SLC24A2: variants seen among roughly 807,000 people sequenced by gnomAD.
SLC24A2 encodes the protein sodium/potassium/calcium exchanger 2.
A neutral mutation model predicts 62.0 loss-of-function variants in SLC24A2; 36 were observed. The observed-to-expected ratio is 0.58, with a 90% CI of 0.44 to 0.77. The LOEUF (loss-of-function observed/expected upper bound fraction) is 0.77. Among genes scored for constraint, SLC24A2 ranks in the 30% least tolerant of loss-of-function variants. SLC24A2 has a pLI of 0.00. For synonymous variants in SLC24A2, 358 were observed against 294.0 expected, an observed-to-expected ratio of 1.22 and a Z score of -2.23; for missense variants, 846 against 817.9, an observed-to-expected ratio of 1.03 and a Z score of -0.42.
chr9:20,226,680 C>A, the SLC24A2 span, among the ~76,000 whole-genome samples: 1 of 152,106 alleles, frequency 6.6e-6, no homozygotes, highest in East Asian at 1.9e-4. Context: ...AGACCTGAAA[C>A]AATACACATT....
chr9:19,968,960 C>T, the SLC24A2 span, among the ~76,000 whole-genome samples: 34 of 152,122 alleles, frequency 2.2e-4, no homozygotes, highest in South Asian at 6.7e-3. Flanking sequence ...TAAAGTCATA[C>T]CCCAGAAGCC....
the SLC24A2 span, among the ~76,000 whole-genome samples, chr9:19,888,789 A>G: frequency 9.3e-4 from 141 of 152,308 alleles, no homozygotes; most frequent in African/African-American, 3.2e-3. Context: ...CTGAGAAGGC[A>G]GTTGGGAAGA....
chr9:20,269,622 C>T, the SLC24A2 span, among the ~76,000 whole-genome samples: 6 of 152,130 alleles, frequency 3.9e-5, no homozygotes, highest in Non-Finnish European at 8.8e-5. Flanking sequence ...TAAGAGCAAA[C>T]CAAACCCCTA....
the SLC24A2 span, among the ~76,000 whole-genome samples, chr9:20,275,379 C>A: frequency 6.6e-6 from 1 of 152,164 alleles, no homozygotes; most frequent in Non-Finnish European, 1.5e-5. Context: ...TGCCCTGAGG[C>A]CTGGTGGTTC....
At chr9:19,699,972 T>A (rs1050376601) in intron 2 of SLC24A2, among the ~76,000 whole-genome samples, 1 of 152,180 alleles carries the variant, frequency 6.6e-6, no homozygotes, top group African/African-American at 2.4e-5. Flanking sequence ...TTTGTTTTGC[T>A]GCTTACTGGC....
the SLC24A2 span, among the ~76,000 whole-genome samples, chr9:20,148,268 A>G: frequency 6.6e-6 from 1 of 152,150 alleles, no homozygotes. Flanking sequence ...TCACCTCCCT[A>G]TGAATGACAT....
At chr9:19,595,345 T>G (rs905599963) in intron 5 of SLC24A2, among the ~76,000 whole-genome samples, 3 of 152,242 alleles carry the variant, frequency 2.0e-5, no homozygotes, top group Non-Finnish European at 4.4e-5. Context: ...ATTTCACTTT[T>G]AAAATGCTGC....
intron 8 of SLC24A2, among the ~76,000 whole-genome samples, chr9:19,536,305 C>A (rs927918475): frequency 6.7e-6 from 1 of 149,664 alleles, no homozygotes; most frequent in Non-Finnish European, 1.5e-5. Context: ...CACCCACTAA[C>A]GTGTCATCTG....
At chr9:19,730,057 G>T (rs1821290379) in intron 2 of SLC24A2, among the ~76,000 whole-genome samples, 1 of 152,032 alleles carries the variant, frequency 6.6e-6, no homozygotes, top group South Asian at 2.1e-4. Context: ...CCATTTAAAT[G>T]AATGAATGCC....
At chr9:20,020,104 C>T in the SLC24A2 span, among the ~76,000 whole-genome samples, 15 of 152,284 alleles carry the variant, frequency 9.9e-5, no homozygotes, top group East Asian at 5.8e-4. Flanking sequence ...CAAATAGGAA[C>T]GCTCTTACAC....
chr9:19,520,781 T>C (rs1833159034), intron 10 of SLC24A2, 113 bp downstream of exon 10: 1 of 910,280 alleles, frequency 1.1e-6, no homozygotes, highest in African/African-American at 1.6e-5. Flanking sequence ...TTACTCTGTA[T>C]TGGTATTGGT....
chr9:19,984,133 A>G, the SLC24A2 span, among the ~76,000 whole-genome samples: 1 of 152,216 alleles, frequency 6.6e-6, no homozygotes, highest in Non-Finnish European at 1.5e-5. Flanking sequence ...TGTAAGTTGC[A>G]GAGCATCTGT....
intron 2 of SLC24A2, among the ~76,000 whole-genome samples, chr9:19,746,478 T>A (rs935322335): frequency 6.6e-6 from 1 of 152,156 alleles, no homozygotes; most frequent in Non-Finnish European, 1.5e-5. Flanking sequence ...GGTGACTAAC[T>A]GTAATTGAAT....
At chr9:19,840,853 AT>A in the SLC24A2 span, among the ~76,000 whole-genome samples, 5 of 152,162 alleles carry the variant, frequency 3.3e-5, no homozygotes, top group Non-Finnish European at 7.4e-5. Flanking sequence ...GTCATACAGC[AT>A]TTACCTTTAA....
At chr9:20,206,305 T>C in the SLC24A2 span, among the ~76,000 whole-genome samples, 1 of 152,142 alleles carries the variant, frequency 6.6e-6, no homozygotes, top group Non-Finnish European at 1.5e-5. Context: ...AAAGAGCATA[T>C]TACAGGAGAG....
the SLC24A2 span, among the ~76,000 whole-genome samples, chr9:20,191,316 ATC>A: frequency 1.3e-5 from 2 of 152,156 alleles, no homozygotes; most frequent in Non-Finnish European, 2.9e-5. Flanking sequence ...ACATAAAAAT[ATC>A]TCAAAGGGTT....
the SLC24A2 span, among the ~76,000 whole-genome samples, chr9:20,141,379 C>G: frequency 4.5e-3 from 680 of 152,150 alleles, 4 homozygotes; most frequent in African/African-American, 0.015. Context: ...TTGTGGTCGT[C>G]TCATTGTTGT....
intron 2 of SLC24A2, among the ~76,000 whole-genome samples, chr9:19,681,615 T>C (rs1487697376): frequency 1.3e-5 from 2 of 152,112 alleles, no homozygotes; most frequent in Non-Finnish European, 2.9e-5. Context: ...CTCCCTGGGA[T>C]TTCCATGTCT....
chr9:19,586,399 A>G (rs1836372484), intron 5 of SLC24A2, among the ~76,000 whole-genome samples: 1 of 152,184 alleles, frequency 6.6e-6, no homozygotes, highest in Non-Finnish European at 1.5e-5. Context: ...GGTGTGAGAA[A>G]GTGCTCAGAT....
Sources: gnomAD v4.1 joint callset for allele counts (sites outside exome capture counted in the v4.1 genomes callset) on GRCh38, gnomAD v4.1.1 for gene constraint, MANE v1.5 for transcripts, NCBI Gene and HGNC (gene_info 2026-07-23, HGNC 2026-07-21) for gene names.